The following KLF13 variants were observed in gnomAD, a reference collection of about 807,000 sequenced individuals.
KLF13 encodes the protein Krueppel-like factor 13.
A neutral mutation model predicts 16.7 loss-of-function variants in KLF13; 8 were observed. The observed-to-expected ratio is 0.48, with a 90% confidence interval of 0.28 to 0.87. KLF13 has a LOEUF of 0.87. Among genes scored for constraint, KLF13 ranks in the 40% least tolerant of loss-of-function variants. The pLI, the probability that KLF13 is intolerant of heterozygous loss-of-function variation, is 0.10. For missense variants in KLF13, 447 were observed against 452.2 expected, an observed-to-expected ratio of 0.99 and a Z score of 0.10; for synonymous variants, 245 against 208.4, an observed-to-expected ratio of 1.18 and a Z score of -1.51.
downstream of KLF13, among the ~76,000 whole-genome samples, chr15:31,406,133 A>G (rs1479372457): frequency 1.3e-5 from 2 of 152,234 alleles, no homozygotes; most frequent in African/African-American, 2.4e-5. Flanking sequence ...CAAAAAGCTG[A>G]AGAGTCTGAC....
At chr15:31,346,656 C>CT (rs1159287555) in intron 1 of KLF13, among the ~76,000 whole-genome samples, 3 of 152,264 alleles carry the variant, frequency 2.0e-5, no homozygotes, top group Non-Finnish European at 4.4e-5. Flanking sequence ...GCAGCCTTCA[C>CT]TTCCGTATCT....
downstream of KLF13, among the ~76,000 whole-genome samples, chr15:31,405,003 T>TA (rs1198366581): frequency 1.3e-5 from 2 of 152,188 alleles, no homozygotes; most frequent in African/African-American, 4.8e-5. Context: ...TGTAGTAGGA[T>TA]AAAACCAATG....
chr15:31,331,109 T>C (rs1357395859), intron 1 of KLF13, among the ~76,000 whole-genome samples: 1 of 152,242 alleles, frequency 6.6e-6, no homozygotes, highest in African/African-American at 2.4e-5. Context: ...AATACATTTC[T>C]ACCTATTTGT....
At chr15:31,405,715 C>T (rs777599309), downstream of KLF13, among the ~76,000 whole-genome samples, 3 of 152,194 alleles carry the variant, frequency 2.0e-5, no homozygotes, top group Non-Finnish European at 4.4e-5. Flanking sequence ...GTCAAGCCAG[C>T]CTTCCCAGGA....
chr15:31,427,406 G>A (rs184897675), intron 1 of KLF13, among the ~76,000 whole-genome samples: 10 of 152,166 alleles, frequency 6.6e-5, no homozygotes, highest in South Asian at 2.1e-4. Context: ...GAACCAGTAC[G>A]GCGATTCCTC....
At chr15:31,343,734 G>A (rs1467209991) in intron 1 of KLF13, among the ~76,000 whole-genome samples, 1 of 152,210 alleles carries the variant, frequency 6.6e-6, no homozygotes, top group South Asian at 2.1e-4. Context: ...CCAACAGCAC[G>A]CACAGCCCTC....
rs145154857 is a variant in KLF13, at chr15:31,350,344, T to C, written c.578-21666T>C. Among the ~76,000 whole-genome samples, 84 of 152,336 alleles carry C rather than the reference T, an allele frequency of 5.5e-4. 1 individual carries two copies. The East Asian group carries it at 0.015, about 28-fold the overall frequency. ...CCACATTGGTCCGTTGTTCGGAACCTCGCCTTAGCTCTCTTCTGCCAGGGC... is the reference window on the plus strand; with the variant it reads ...CCACATTGGTCCGTTGTTCGGAACCCCGCCTTAGCTCTCTTCTGCCAGGGC... On this transcript the variant is annotated intron_variant, in intron 1 of 1. Transcript: ENST00000307145.
At chr15:31,389,726 A>G (rs549614049), upstream of KLF13, among the ~76,000 whole-genome samples, 9 of 152,262 alleles carry the variant, frequency 5.9e-5, no homozygotes, top group East Asian at 1.7e-3. Flanking sequence ...GTCTATAGTA[A>G]AAGTGGAGCC....
chr15:31,339,834 C>G, intron 1 of KLF13: 1 of 656,690 alleles, frequency 1.5e-6, no homozygotes, highest in South Asian at 1.6e-5. Context: ...CCTGCTGTCT[C>G]GTGGGAGTGC....
chr15:31,391,609 G>A (rs934126733), upstream of KLF13, among the ~76,000 whole-genome samples: 7 of 151,474 alleles, frequency 4.6e-5, no homozygotes, highest in South Asian at 1.3e-3. Flanking sequence ...CCCCGCCCCC[G>A]CCCCCGCCCC....
chr15:31,335,416 G>A (rs1245643997), intron 1 of KLF13, among the ~76,000 whole-genome samples: 1 of 138,412 alleles, frequency 7.2e-6, no homozygotes, highest in Non-Finnish European at 1.5e-5. Context: ...ATTTGCTGTT[G>A]GGCATTGTGT....
chr15:31,424,895 A>ACACACACACG (rs1165287660), intron 1 of KLF13, among the ~76,000 whole-genome samples: 1 of 151,952 alleles, frequency 6.6e-6, no homozygotes, highest in Non-Finnish European at 1.5e-5. Context: ...ACACACACAC[A>ACACACACACG]CACACACACA....
chr15:31,370,895 A>G (rs2039546377), intron 1 of KLF13, among the ~76,000 whole-genome samples: 1 of 151,718 alleles, frequency 6.6e-6, no homozygotes, highest in Admixed American at 6.6e-5. Context: ...TTTCTTTTCC[A>G]TGCTGCTGGT....
At chr15:31,420,197 G>A in intron 1 of KLF13, 1 of 598,560 alleles carries the variant, frequency 1.7e-6, no homozygotes, top group South Asian at 1.4e-5. Context: ...CGAGCTGAGT[G>A]GGGGTGCTGC....
intron 1 of KLF13, among the ~76,000 whole-genome samples, chr15:31,334,832 C>T (rs2038899735): frequency 6.6e-6 from 1 of 152,214 alleles, no homozygotes; most frequent in African/African-American, 2.4e-5. Context: ...CAGAAGCAGC[C>T]ACTGTGCTGT....
intron 1 of KLF13, among the ~76,000 whole-genome samples, chr15:31,419,480 A>G (rs2040295995): frequency 2.0e-5 from 3 of 152,204 alleles, no homozygotes; most frequent in Admixed American, 2.0e-4. Context: ...CTAAGGAAGA[A>G]AAAACAAATA....
At chr15:31,420,415 GAAGT>G (rs2040307189) in intron 1 of KLF13, 3 of 1,112,934 alleles carry the variant, frequency 2.7e-6, no homozygotes, top group Admixed American at 1.8e-5. Context: ...AGCCCACAGT[GAAGT>G]TCCTCACATC....
intron 1 of KLF13, among the ~76,000 whole-genome samples, chr15:31,427,417 G>A (rs1020348701): frequency 6.3e-4 from 96 of 152,182 alleles, no homozygotes; most frequent in African/African-American, 2.1e-3. Context: ...GCGATTCCTC[G>A]AGAAATTAAA....
intron 1 of KLF13, among the ~76,000 whole-genome samples, chr15:31,430,208 G>A (rs1392021525): frequency 6.6e-6 from 1 of 152,062 alleles, no homozygotes; most frequent in East Asian, 1.9e-4. Context: ...GAAAAGCTAA[G>A]TCACAAAGTG....
Sources: gnomAD v4.1 joint callset for allele counts (sites outside exome capture counted in the v4.1 genomes callset) on GRCh38, gnomAD v4.1.1 for gene constraint, MANE v1.5 for transcripts, NCBI Gene and HGNC (gene_info 2026-07-23, HGNC 2026-07-21) for gene names.